Variants in ANPEP observed in about 807,000 individuals in gnomAD.
ANPEP encodes aminopeptidase N.
In ANPEP, 70 loss-of-function variants were observed where a neutral mutation model predicts 114.6. The observed-to-expected ratio is 0.61, with a 90% CI of 0.50 to 0.75. The LOEUF is 0.75. Among genes scored for constraint, ANPEP ranks in the 30% least tolerant of loss-of-function variants. The pLI is 0.00. For synonymous variants in ANPEP, 548 were observed against 522.3 expected, an observed-to-expected ratio of 1.05 and a Z score of -0.67; for missense variants, 1,184 against 1,259.5, an observed-to-expected ratio of 0.94 and a Z score of 0.91.
At chr15:89,810,246 G>GCT (rs1404632464) in intron 1 of ANPEP, among the ~76,000 whole-genome samples, 2 of 152,158 alleles carry the variant, frequency 1.3e-5, no homozygotes, top group African/African-American at 4.8e-5. Flanking sequence ...GGGCATGGTA[G>GCT]CAGGTGCCCG....
chr15:89,806,412 TGGTGGTGGCTGAGGCGGACGG>T lies in ANPEP; in HGVS notation c.151_171del (p.Pro51_Thr57del). 1.2e-6 allele frequency: 2 copies of T among 1,613,940 alleles called. No homozygotes were observed. The highest frequency in any genetic ancestry group is 1.1e-5 in the South Asian group (1 of 91,070). ...TCCAAGGTGGTGGCCGAGGCGGGGT[TGGTGGTGGCTGAGGCGGACGG>T]GGTGGTGGAGGCCACGGGGGAGCTG... On this transcript the variant is annotated inframe_deletion, in exon 2 of 21. Coordinates refer to ENST00000300060, the MANE Select transcript of ANPEP (RefSeq NM_001150.3). The surrounding 1 kb of genome is among the most constrained non-coding windows in gnomAD (Gnocchi z 5.7).
intron 1 of ANPEP, among the ~76,000 whole-genome samples, chr15:89,809,150 C>T (rs1334064511): frequency 2.0e-5 from 3 of 152,254 alleles, no homozygotes; most frequent in Non-Finnish European, 4.4e-5. Flanking sequence ...GCTCCCAGCA[C>T]ATGCTGCCAG....
chr15:89,792,675 C>A, intron 16 of ANPEP, 113 bp from the exon 17 acceptor site: 2 of 883,972 alleles, frequency 2.3e-6, no homozygotes, highest in East Asian at 2.6e-5. Context: ...GCCTAACTGG[C>A]CCTCTGACCC....
At chr15:89,810,004 C>T (rs1894789487) in intron 1 of ANPEP, among the ~76,000 whole-genome samples, 1 of 152,186 alleles carries the variant, frequency 6.6e-6, no homozygotes, top group Non-Finnish European at 1.5e-5. Context: ...CTCAATGTCA[C>T]TGCCTTATCA....
intron 2 of ANPEP, 81 bp from the exon 3 acceptor site, chr15:89,805,544 G>T: frequency 1.3e-6 from 2 of 1,556,804 alleles, no homozygotes; most frequent in Non-Finnish European, 1.7e-6. Context: ...GGCATGCAGG[G>T]AAAGGGGTAC....
At position 89,801,466 on chromosome 15, in the gene ANPEP, C is replaced by T. The variant is rs200223672; in HGVS notation, c.1711G>A (p.Asp571Asn). The T allele has an allele frequency of 3.6e-5, 58 of 1,614,174 alleles. No individual in the cohort carries two copies. In the East Asian group the frequency reaches 6.7e-4, roughly 19 times the overall value. Residue 571 changes from aspartate to asparagine, a missense_variant, in exon 11 of 21, where the codon GAT (aspartate) becomes AAT (asparagine). By Grantham distance (23) the Asp-to-Asn change is conservative. Coordinates refer to ENST00000300060, the MANE Select transcript of ANPEP (RefSeq NM_001150.3). Reference sequence around the variant, plus strand: ...TCTGAGGGGCGGGTAACATTGGAATCGGGGTCAAGGAGGAAGTGCTCCTGG... The same window carrying T: ...TCTGAGGGGCGGGTAACATTGGAATTGGGGTCAAGGAGGAAGTGCTCCTGG... ...LSQEHFLLDP[D>N]SNVTRPSEFN... is the part of the protein sequence containing the mutation.
At chr15:89,801,749 G>A in intron 10 of ANPEP, 142 bp from the exon 11 acceptor site, 1 of 964,436 alleles carries the variant, frequency 1.0e-6, no homozygotes, top group Non-Finnish European at 1.5e-6. Flanking sequence ...TGGGAGCCGG[G>A]AGCCAGGGTA....
chr15:89,810,439 C>T (rs752135053), intron 1 of ANPEP, among the ~76,000 whole-genome samples: 2 of 152,098 alleles, frequency 1.3e-5, no homozygotes, highest in Admixed American at 6.5e-5. Flanking sequence ...GACGTGGTGG[C>T]GCACGCCTGT....
Position 89,805,304 on chromosome 15 carries a change from A to T in ANPEP, c.757+17T>A. ...GCCTGCCCCCTGGCCCTGTGGCCGCAGGCAGGGCCCACTCACCTTTGGGAA... is the reference window on the plus strand; with the variant it reads ...GCCTGCCCCCTGGCCCTGTGGCCGCTGGCAGGGCCCACTCACCTTTGGGAA... On this transcript the variant is annotated intron_variant, in intron 3 of 20. Transcript: ENST00000300060. The T allele has an allele frequency of 6.2e-7, 1 of 1,612,910 alleles. No homozygotes were observed.
At position 89,799,654 on chromosome 15, in the gene ANPEP, C is replaced by G. The variant is rs1231188464; in HGVS notation, c.1820-95G>C. On this transcript the variant is annotated intron_variant, in intron 12 of 20. Coordinates refer to ENST00000300060, the MANE Select transcript of ANPEP (RefSeq NM_001150.3). This position sits in a 1 kb window ranked among gnomAD's most constrained non-coding sequence, Gnocchi z 4.2. The stretch of plus-strand genomic sequence containing the variant: ...GAGCAGCTGCCCCCGCAGCCTGGCA[C>G]CACCTCACCCTCAAGCTGCTGGGGA... 1 of 1,555,590 alleles carries G rather than the reference C, an allele frequency of 6.4e-7. No individual in the cohort carries two copies. Among genetic ancestry groups the G allele is most frequent in the Non-Finnish European group, 8.8e-7 (1 of 1,140,418 alleles).
intron 1 of ANPEP, among the ~76,000 whole-genome samples, chr15:89,813,517 G>A (rs959883109): frequency 2.0e-4 from 31 of 152,168 alleles, no homozygotes; most frequent in Admixed American, 4.6e-4. Flanking sequence ...TCATAGTGTG[G>A]CCTTCGAGGC....
chr15:89,795,801 G>GA lies in ANPEP; in HGVS notation c.2157+1773dup, dbSNP rs576945622. Among the ~76,000 whole-genome samples the GA allele has an allele frequency of 1.1e-3, 166 of 152,270 alleles. 2 individuals are homozygous for GA. The highest frequency in any genetic ancestry group is 4.0e-3 in the East Asian group (21 of 5,192). ...GAAGATGTATTCCCCTATGAGAGGG[G>GA]AAAAAATCAAAGAATCCATGGGATG... is the stretch of plus-strand genomic sequence containing the variant. On this transcript the variant is annotated intron_variant, in intron 15 of 20. Transcript: ENST00000300060.
chr15:89,801,630 T>A (rs1894593836), intron 10 of ANPEP, 23 bp from the exon 11 acceptor site: 1 of 1,608,232 alleles, frequency 6.2e-7, no homozygotes, highest in African/African-American at 1.3e-5. Flanking sequence ...CGAGAGGGCG[T>A]GGCCATCAGT....
At chr15:89,790,571 G>A (rs371867461) in intron 19 of ANPEP, 30 bp from the exon 20 acceptor site, 78 of 1,588,054 alleles carry the variant, frequency 4.9e-5, no homozygotes, top group Non-Finnish European at 6.1e-5. Flanking sequence ...TGAACTGTGA[G>A]GGAGGCCGGG....
In ANPEP at chr15:89,799,396, G is replaced by C; in HGVS notation, c.1953+30C>G. 6.2e-7 allele frequency: 1 copy of C among 1,613,718 alleles called. No homozygotes were observed. Among genetic ancestry groups the C allele is most frequent in the South Asian group, 1.1e-5 (1 of 91,078 alleles). On this transcript the variant is annotated intron_variant, in intron 13 of 20. Coordinates refer to ENST00000300060, the MANE Select transcript of ANPEP (RefSeq NM_001150.3). This position sits in a 1 kb window ranked among gnomAD's most constrained non-coding sequence, Gnocchi z 4.2. ...CAGTCTGGTGCCTGTCCTGGGGCAGGGGGCAGGGCGAGGGGTGGCAGACAC... is the reference window on the plus strand; with the variant it reads ...CAGTCTGGTGCCTGTCCTGGGGCAGCGGGCAGGGCGAGGGGTGGCAGACAC...
In ANPEP at chr15:89,806,603, C is replaced by G; in HGVS notation, c.-20G>C. 1 of 1,552,104 alleles carries G rather than the reference C, an allele frequency of 6.4e-7. No individual in the cohort carries two copies. The highest frequency in any genetic ancestry group is 8.7e-7 in the Non-Finnish European group (1 of 1,146,818). On this transcript the variant is annotated 5_prime_UTR_variant, in exon 2 of 21. Coordinates refer to ENST00000300060, the MANE Select transcript of ANPEP (RefSeq NM_001150.3). This position sits in a 1 kb window ranked among gnomAD's most constrained non-coding sequence, Gnocchi z 5.7. Reference sequence around the variant, plus strand: ...GGCCATGGTGATGGTGGGGAGGCGGCTCAGGGAGCCTCAGGCCAGGCAGAG... The same window carrying G: ...GGCCATGGTGATGGTGGGGAGGCGGGTCAGGGAGCCTCAGGCCAGGCAGAG...
rs1894632774 is a variant in ANPEP, at chr15:89,803,307, G to A, written c.1504-3C>T. On this transcript the variant is annotated splice_polypyrimidine_tract_variant and splice_region_variant and intron_variant, in intron 9 of 20. Transcript: ENST00000300060. This position sits in a 1 kb window ranked among gnomAD's most constrained non-coding sequence, Gnocchi z 4.2. ...TAGGCAAAGGTGTGGAGGTAGGACT[G>A]TGGAAAGACGGGGCACAGTGAGAGC... The A allele has an allele frequency of 6.2e-7, 1 of 1,614,132 alleles. No homozygotes were observed. The highest frequency in any genetic ancestry group is 2.2e-5 in the East Asian group (1 of 44,882).
At chr15:89,795,536 G>T (rs1008855121) in intron 15 of ANPEP, among the ~76,000 whole-genome samples, 67 of 152,166 alleles carry the variant, frequency 4.4e-4, no homozygotes, top group African/African-American at 1.3e-3. Flanking sequence ...TTCCAGAAGG[G>T]AGGAAAACTG....
intron 12 of ANPEP, among the ~76,000 whole-genome samples, chr15:89,800,872 C>T (rs568244611): frequency 6.6e-6 from 1 of 152,236 alleles, no homozygotes; most frequent in East Asian, 1.9e-4. Flanking sequence ...CTCCTTTAAT[C>T]CTCACATAAC....
Sources: allele counts gnomAD v4.1 joint callset (sites outside exome capture counted in the v4.1 genomes callset), GRCh38; gene constraint gnomAD v4.1.1; non-coding constraint Gnocchi (gnomAD v3.1); transcripts MANE v1.5; gene names NCBI Gene and HGNC (gene_info 2026-07-23, HGNC 2026-07-21).